ROBO2: variants seen among roughly 807,000 people sequenced by gnomAD.
ROBO2 encodes roundabout homolog 2.
Under a neutral mutation model 160.8 loss-of-function variants are expected in ROBO2, and 53 were observed. The observed-to-expected ratio is 0.33, with a 90% CI of 0.26 to 0.41. ROBO2 has a LOEUF of 0.41. Ranked by LOEUF, ROBO2 falls within the 10% of genes least tolerant of loss-of-function variation. The pLI, the probability that ROBO2 is intolerant of heterozygous loss-of-function variation, is 1.00. For missense variants in ROBO2, 1,577 were observed against 1,722.4 expected (o/e 0.92, Z 1.49); for synonymous variants, 664 against 611.7 (o/e 1.09, Z -1.26).
intron 2 of ROBO2, among the ~76,000 whole-genome samples, chr3:77,402,355 A>G (rs7625773): frequency 0.63 from 95,303 of 151,766 alleles, 30,885 homozygotes; most frequent in African/African-American, 0.79. Context: ...GATGGGTGCA[A>G]CAAACCACAA....
At chr3:76,869,730 T>G (rs2071823857) in intron 2 of ROBO2, among the ~76,000 whole-genome samples, 1 of 152,338 alleles carries the variant, frequency 6.6e-6, no homozygotes, top group South Asian at 2.1e-4. Context: ...TAATTTATTC[T>G]ATTTCCTGCA....
intron 2 of ROBO2, among the ~76,000 whole-genome samples, chr3:77,185,298 A>T (rs964602734): frequency 6.6e-6 from 1 of 151,976 alleles, no homozygotes; most frequent in Non-Finnish European, 1.5e-5. Context: ...GTTGTTACAG[A>T]CAGATTACTG....
intron 1 of ROBO2, among the ~76,000 whole-genome samples, chr3:77,092,821 A>T (rs2150034640): frequency 6.6e-6 from 1 of 150,812 alleles, no homozygotes; most frequent in South Asian, 2.1e-4. Flanking sequence ...ATTTCTCATT[A>T]TATGGGCAAT....
chr3:76,992,917 A>G (rs2060774803), intron 2 of ROBO2, among the ~76,000 whole-genome samples: 1 of 152,156 alleles, frequency 6.6e-6, no homozygotes, highest in Non-Finnish European at 1.5e-5. Context: ...TGCCGGGTTC[A>G]AGTGATTCTC....
chr3:77,352,463 C>T (rs796674301), intron 2 of ROBO2, among the ~76,000 whole-genome samples: 66 of 151,300 alleles, frequency 4.4e-4, no homozygotes, highest in African/African-American at 1.6e-3. Flanking sequence ...CACAAAACAG[C>T]GATATTTTTT....
chr3:76,941,724 GTCTC>G (rs1421322969), intron 2 of ROBO2, among the ~76,000 whole-genome samples: 2 of 152,146 alleles, frequency 1.3e-5, no homozygotes, highest in Non-Finnish European at 2.9e-5. Context: ...GGATGATTGT[GTCTC>G]TCTCCCTCAC....
At chr3:76,775,569 T>C (rs1246581578) in intron 2 of ROBO2, among the ~76,000 whole-genome samples, 3 of 150,858 alleles carry the variant, frequency 2.0e-5, no homozygotes, top group Admixed American at 1.3e-4. Flanking sequence ...AACTTGATTT[T>C]ATCACAGTTG....
intron 5 of ROBO2, among the ~76,000 whole-genome samples, chr3:77,502,186 T>C (rs1016605487): frequency 6.6e-6 from 1 of 152,148 alleles, no homozygotes; most frequent in Admixed American, 6.5e-5. Flanking sequence ...GGCTACTACA[T>C]AGTGGTGCTG....
At chr3:77,135,017 G>A (rs188833775) in intron 2 of ROBO2, among the ~76,000 whole-genome samples, 2 of 152,192 alleles carry the variant, frequency 1.3e-5, no homozygotes, top group East Asian at 3.9e-4. Flanking sequence ...GAGAGATGAC[G>A]CCGTGTCATT....
At chr3:76,003,888 C>T (rs2065953077) in intron 2 of ROBO2, among the ~76,000 whole-genome samples, 1 of 152,208 alleles carries the variant, frequency 6.6e-6, no homozygotes, top group Non-Finnish European at 1.5e-5. Context: ...CAATGAGATG[C>T]CCTATATAGC....
At chr3:76,258,589 G>T (rs1362137762) in intron 2 of ROBO2, among the ~76,000 whole-genome samples, 1 of 151,746 alleles carries the variant, frequency 6.6e-6, no homozygotes, top group Non-Finnish European at 1.5e-5. Context: ...GTAAATATCT[G>T]GTTTCTTTCA....
intron 2 of ROBO2, among the ~76,000 whole-genome samples, chr3:75,964,177 C>T (rs1419243760): frequency 7.9e-5 from 12 of 151,480 alleles, no homozygotes; most frequent in East Asian, 2.0e-4. Context: ...AACATTTTAA[C>T]GTATAAGAGA....
At chr3:77,381,357 C>T (rs989195966) in intron 2 of ROBO2, among the ~76,000 whole-genome samples, 2 of 151,946 alleles carry the variant, frequency 1.3e-5, no homozygotes, top group African/African-American at 4.8e-5. Context: ...CTTACACTTC[C>T]TGTTTCCATA....
At chr3:76,194,399 A>G (rs1702164112) in intron 2 of ROBO2, among the ~76,000 whole-genome samples, 2 of 126,942 alleles carry the variant, frequency 1.6e-5, no homozygotes, top group East Asian at 4.6e-4. Context: ...GTGAGGACAA[A>G]GCTGGACTTG....
At chr3:76,229,581 T>C (rs1704497362) in intron 2 of ROBO2, among the ~76,000 whole-genome samples, 1 of 152,134 alleles carries the variant, frequency 6.6e-6, no homozygotes, top group African/African-American at 2.4e-5. Context: ...AATCATATGG[T>C]TACCATGATA....
chr3:76,362,945 G>C (rs746705082), intron 2 of ROBO2, among the ~76,000 whole-genome samples: 1 of 151,916 alleles, frequency 6.6e-6, no homozygotes, highest in Non-Finnish European at 1.5e-5. Context: ...CTAGTCTTGG[G>C]GCAGGTCAGG....
At chr3:76,565,782 TGAAG>T (rs2108532919) in intron 2 of ROBO2, among the ~76,000 whole-genome samples, 1 of 152,334 alleles carries the variant, frequency 6.6e-6, no homozygotes, top group South Asian at 2.1e-4. Flanking sequence ...ACATAAATAA[TGAAG>T]GATGTTCCAT....
At chr3:77,069,221 G>C (rs1451644160) in intron 1 of ROBO2, among the ~76,000 whole-genome samples, 1 of 152,146 alleles carries the variant, frequency 6.6e-6, no homozygotes, top group Non-Finnish European at 1.5e-5. Flanking sequence ...TAAATTTTAA[G>C]AGAGAGAGAC....
intron 2 of ROBO2, among the ~76,000 whole-genome samples, chr3:76,001,634 C>A (rs529523414): frequency 6.6e-6 from 1 of 152,190 alleles, no homozygotes; most frequent in Non-Finnish European, 1.5e-5. Context: ...ACTTTCTGGG[C>A]TCAAGCAGTT....
Sources: allele counts gnomAD v4.1 joint callset (sites outside exome capture counted in the v4.1 genomes callset), GRCh38; gene constraint gnomAD v4.1.1; transcripts MANE v1.5; gene names NCBI Gene and HGNC (gene_info 2026-07-23, HGNC 2026-07-21).